Variants in DEPDC5 observed in about 807,000 individuals in gnomAD.
DEPDC5 encodes DEP domain containing 5, GATOR1 subcomplex subunit.
A neutral mutation model predicts 217.3 loss-of-function variants in DEPDC5; 73 were observed. That is an observed-to-expected ratio of 0.34 (90% CI 0.28 to 0.41). DEPDC5 has a LOEUF of 0.41. DEPDC5 is among the 10% of genes least tolerant of loss of function. The pLI is 1.00. For missense variants in DEPDC5, 1,675 were observed against 2,070.1 expected, an observed-to-expected ratio of 0.81 and a Z score of 3.70; for synonymous variants, 733 against 756.7, an observed-to-expected ratio of 0.97 and a Z score of 0.51.
At chr22:31,866,491 T>C (rs999405503) in intron 33 of DEPDC5, among the ~76,000 whole-genome samples, 1 of 152,132 alleles carries the variant, frequency 6.6e-6, no homozygotes, top group Non-Finnish European at 1.5e-5. Flanking sequence ...GTTCAAGCGA[T>C]TCTCCTGCCT....
chr22:31,760,070 C>CG (rs2082263413), intron 3 of DEPDC5, among the ~76,000 whole-genome samples: 1 of 140,298 alleles, frequency 7.1e-6, no homozygotes, highest in Non-Finnish European at 1.6e-5. Context: ...TTCTTTGTTT[C>CG]TTTTTTTTTT....
At chr22:31,861,939 A>G (rs1164416827) in intron 33 of DEPDC5, among the ~76,000 whole-genome samples, 4 of 152,228 alleles carry the variant, frequency 2.6e-5, no homozygotes, top group African/African-American at 9.6e-5. Flanking sequence ...ATTATTTGTC[A>G]GTTAAAAGAT....
chr22:31,817,502 G>C, intron 21 of DEPDC5: 1 of 458,870 alleles, frequency 2.2e-6, no homozygotes, highest in Non-Finnish European at 4.3e-6. Flanking sequence ...TTATTTGTTT[G>C]TTTTGAGACA....
intron 24 of DEPDC5, among the ~76,000 whole-genome samples, chr22:31,833,383 C>T (rs2090750214): frequency 6.6e-6 from 1 of 152,058 alleles, no homozygotes; most frequent in Admixed American, 6.6e-5. Flanking sequence ...GTTTTGATGT[C>T]CTGTGTCATA....
intron 36 of DEPDC5, 163 bp from the exon 37 acceptor site, chr22:31,875,994 T>G: frequency 1.7e-6 from 1 of 585,306 alleles, no homozygotes; most frequent in East Asian, 2.8e-5. Flanking sequence ...CGAGTTTACA[T>G]TTTAAAATAT....
In DEPDC5 at chr22:31,777,965, C is replaced by T. The variant is rs570770312; in HGVS notation, c.414-134C>T. 33 of 897,764 alleles carry T rather than the reference C, an allele frequency of 3.7e-5. No individual in the cohort carries two copies. In the East Asian group the frequency reaches 8.0e-4, roughly 22 times the overall value. The allele number at this position is 897,764 out of a possible 1,614,324, so 55.6% of individuals were successfully genotyped here. ...GTTTCACCATGTTGTCCAGGCTGGT[C>T]TCGAAGTCCTGACCTCAGGTAATTC... On this transcript the variant is annotated intron_variant, in intron 7 of 42. Coordinates refer to ENST00000651528, the MANE Select transcript of DEPDC5 (RefSeq NM_001242896.3).
At chr22:31,790,738 T>C (rs1215873355) in intron 10 of DEPDC5, among the ~76,000 whole-genome samples, 1 of 145,158 alleles carries the variant, frequency 6.9e-6, no homozygotes, top group East Asian at 1.9e-4. Flanking sequence ...TATCTCTCTT[T>C]TTTTTTTTCT....
At chr22:31,874,476 C>A in intron 36 of DEPDC5, 71 bp downstream of exon 36, 1 of 1,506,182 alleles carries the variant, frequency 6.6e-7, no homozygotes. Context: ...CCTTAGAAGC[C>A]ATCACCCTTT....
chr22:31,857,496 G>C lies in DEPDC5; in HGVS notation c.3207G>C (p.Gln1069His), dbSNP rs1254465286. The C allele has an allele frequency of 1.9e-6, 3 of 1,612,614 alleles. No individual in the cohort carries two copies. Among genetic ancestry groups the C allele is most frequent in the South Asian group, 2.2e-5 (2 of 90,526 alleles). The change falls in exon 32 of 43, where the codon CAG becomes CAC. Residue 1069 changes from glutamine to histidine, a missense_variant. By Grantham distance (24) the Gln-to-His change is conservative. Around this residue, in one of 11 missense-constraint regions of DEPDC5, gnomAD observed 126 missense variants for 113.8 expected, o/e 1.11. Transcript: ENST00000651528. Reference protein sequence around the residue: ...AAVHGGKSSAQSAESSSVAMT... With the variant: ...AAVHGGKSSAHSAESSSVAMT... ...TGCATGGTGGGAAGAGCTCCGCCCA[G>C]TCAGCCGAGAGCAGCAGCGTTGCCA...
At chr22:31,822,588 G>A (rs2089799468) in intron 23 of DEPDC5, 105 bp from the exon 24 acceptor site, 2 of 1,071,316 alleles carry the variant, frequency 1.9e-6, no homozygotes, top group South Asian at 2.8e-5. Context: ...TGAATATTCA[G>A]GCCTGATTTT....
intron 24 of DEPDC5, chr22:31,831,365 C>T (rs965648678): frequency 6.6e-5 from 10 of 152,060 alleles, no homozygotes; most frequent in Non-Finnish European, 1.3e-4. Context: ...TCTAGTATAA[C>T]GAATATTAGT....
Position 31,810,574 on chromosome 22 carries a change from G to A in DEPDC5, c.1378G>A (p.Asp460Asn), listed in dbSNP as rs1201548965. Reference protein sequence around the residue: ...ENALPIQVDYDAYDAQVFRLP... With the variant: ...ENALPIQVDYNAYDAQVFRLP... ...CGCCCTTCCCATCCAAGTAGATTAT[G>A]ACGCCTATGACGCTCAAGTGTTCAG... Residue 460 changes from aspartate to asparagine, a missense_variant, in exon 20 of 43, where the codon GAC becomes AAC. This residue lies in a region of DEPDC5 where 628 missense variants were observed against 762.1 expected (regional missense o/e 0.82). Transcript: ENST00000651528. 2 of 1,614,174 alleles carry A rather than the reference G, an allele frequency of 1.2e-6. No homozygotes were observed. The highest frequency in any genetic ancestry group is 1.1e-5 in the South Asian group (1 of 91,082).
intron 24 of DEPDC5, among the ~76,000 whole-genome samples, chr22:31,828,800 T>C (rs75430798): frequency 0.034 from 5,247 of 152,322 alleles, 148 homozygotes; most frequent in African/African-American, 0.073. Flanking sequence ...CAAAAACTAC[T>C]AAGACACTGA....
intron 41 of DEPDC5, among the ~76,000 whole-genome samples, chr22:31,902,729 A>G (rs960125855): frequency 6.6e-6 from 1 of 152,002 alleles, no homozygotes; most frequent in Non-Finnish European, 1.5e-5. Context: ...CTGAGGAACC[A>G]TGAGCAATTC....
intron 31 of DEPDC5, among the ~76,000 whole-genome samples, chr22:31,855,569 G>T (rs1006594808): frequency 1.3e-5 from 2 of 150,550 alleles, no homozygotes; most frequent in Non-Finnish European, 3.0e-5. Flanking sequence ...TAGTAGAGAC[G>T]GGGTTTCACT....
chr22:31,815,126 G>A lies in DEPDC5; in HGVS notation c.1580G>A (p.Gly527Asp). 6.2e-7 allele frequency: 1 copy of A among 1,614,154 alleles called. No individual in the cohort carries two copies. The highest frequency in any genetic ancestry group is 2.2e-5 in the East Asian group (1 of 44,870). ...RSQASDDSSLGKSANILMIPH... is the reference protein window; with the variant it reads ...RSQASDDSSLDKSANILMIPH... ...CAGGCTTCTGACGACAGCTCCCTAG[G>A]CAAGAGTGCCAACATCCTGATGATC... The change falls in exon 21 of 43, where the codon GGC becomes GAC. Residue 527 changes from glycine (G) to aspartate (D), a missense_variant. By Grantham distance (94) the Gly-to-Asp change is moderately conservative. Coordinates refer to ENST00000651528, the MANE Select transcript of DEPDC5 (RefSeq NM_001242896.3).
intron 12 of DEPDC5, among the ~76,000 whole-genome samples, chr22:31,796,085 C>G (rs2086210934): frequency 6.6e-6 from 1 of 150,626 alleles, no homozygotes; most frequent in African/African-American, 2.5e-5. Context: ...GTTAAACACA[C>G]TGCTCCACAG....
At chr22:31,818,788 TTCATTTTGCCA>T (rs2089412214) in intron 21 of DEPDC5, among the ~76,000 whole-genome samples, 1 of 152,250 alleles carries the variant, frequency 6.6e-6, no homozygotes. Flanking sequence ...TGGTTGTGAC[TTCATTTTGCCA>T]GTAATTTAGA....
chr22:31,878,162 C>G lies in DEPDC5; in HGVS notation c.3806-1363C>G, dbSNP rs142185144. ...AGATCATGCCACTGCACTCCAGCTT[C>G]GTGACAGAGCGAGACTCCATCTCAA... is the stretch of plus-strand genomic sequence containing the variant. On this transcript the variant is annotated intron_variant, in intron 37 of 42. Coordinates refer to ENST00000651528, the MANE Select transcript of DEPDC5 (RefSeq NM_001242896.3). Among the ~76,000 whole-genome samples, 3 of 148,588 alleles carry G rather than the reference C, an allele frequency of 2.0e-5. No individual in the cohort carries two copies. In the East Asian group the frequency reaches 6.0e-4, roughly 30 times the overall value.
Sources: gnomAD v4.1 joint callset for allele counts (sites outside exome capture counted in the v4.1 genomes callset) on GRCh38, gnomAD v4.1.1 for gene constraint, gnomAD v4.1.1 regional missense constraint, MANE v1.5 for transcripts, NCBI Gene and HGNC (gene_info 2026-07-23, HGNC 2026-07-21) for gene names.